GRID2: variants seen among roughly 807,000 people sequenced by gnomAD.
GRID2 encodes the protein glutamate ionotropic receptor delta type subunit 2.
In GRID2, 33 loss-of-function variants were observed where a neutral mutation model predicts 114.8. That is an observed-to-expected ratio of 0.29 (90% CI 0.22 to 0.38). The LOEUF (loss-of-function observed/expected upper bound fraction) is 0.38. Ranked by LOEUF, GRID2 falls within the 10% of genes least tolerant of loss-of-function variation. GRID2 has a pLI of 1.00. For synonymous variants in GRID2, 505 were observed against 449.9 expected, an observed-to-expected ratio of 1.12 and a Z score of -1.55; for missense variants, 1,184 against 1,257.7, an observed-to-expected ratio of 0.94 and a Z score of 0.89.
At chr4:92,758,422 T>G (rs528234586) in intron 2 of GRID2, among the ~76,000 whole-genome samples, 5 of 152,270 alleles carry the variant, frequency 3.3e-5, no homozygotes, top group African/African-American at 1.2e-4. Flanking sequence ...TTTTAAGTCT[T>G]GTTTAATATA....
At chr4:93,574,455 A>C (rs1330825855) in intron 13 of GRID2, among the ~76,000 whole-genome samples, 1 of 152,220 alleles carries the variant, frequency 6.6e-6, no homozygotes, top group East Asian at 1.9e-4. Context: ...CAAAAGAAAG[A>C]GGTTTAATTG....
At chr4:92,609,375 T>C (rs1389183529) in intron 2 of GRID2, among the ~76,000 whole-genome samples, 1 of 151,346 alleles carries the variant, frequency 6.6e-6, no homozygotes, top group East Asian at 2.0e-4. Flanking sequence ...TCTCTGGGAA[T>C]GTATATTCTA....
At chr4:93,469,924 T>C (rs1724644908) in intron 11 of GRID2, among the ~76,000 whole-genome samples, 1 of 152,126 alleles carries the variant, frequency 6.6e-6, no homozygotes, top group Admixed American at 6.5e-5. Flanking sequence ...AAATGGGTCT[T>C]TAATATTCAG....
intron 2 of GRID2, among the ~76,000 whole-genome samples, chr4:92,739,861 A>G (rs539956981): frequency 2.0e-5 from 3 of 152,240 alleles, no homozygotes; most frequent in African/African-American, 7.2e-5. Flanking sequence ...TTCAAACTTA[A>G]TAAGTATGCT....
chr4:92,539,353 A>C (rs1725813369), intron 1 of GRID2, among the ~76,000 whole-genome samples: 1 of 152,176 alleles, frequency 6.6e-6, no homozygotes, highest in Admixed American at 6.5e-5. Flanking sequence ...CCTGTGCATT[A>C]ATGGTGACAA....
intron 1 of GRID2, among the ~76,000 whole-genome samples, chr4:92,418,780 A>G (rs1457084373): frequency 6.6e-6 from 1 of 152,048 alleles, no homozygotes; most frequent in Non-Finnish European, 1.5e-5. Context: ...ACCATAAATG[A>G]CATGTTTAGT....
chr4:93,130,895 G>A (rs916370347), intron 4 of GRID2, among the ~76,000 whole-genome samples: 3 of 152,080 alleles, frequency 2.0e-5, no homozygotes, highest in Non-Finnish European at 4.4e-5. Context: ...AGAACTAAAC[G>A]ATATATTCCA....
At chr4:93,607,340 T>C (rs1197952383) in intron 13 of GRID2, among the ~76,000 whole-genome samples, 1 of 152,164 alleles carries the variant, frequency 6.6e-6, no homozygotes, top group Non-Finnish European at 1.5e-5. Context: ...TTTAATATTC[T>C]GCAAACACAT....
At chr4:93,553,415 T>C (rs17020757) in intron 13 of GRID2, among the ~76,000 whole-genome samples, 20,565 of 152,188 alleles carry the variant, frequency 0.14, 2,659 homozygotes, top group African/African-American at 0.34. Flanking sequence ...CTAATTCCTC[T>C]TGTATATCTG....
chr4:92,334,066 T>G (rs1031711093), intron 1 of GRID2, among the ~76,000 whole-genome samples: 8 of 152,190 alleles, frequency 5.3e-5, no homozygotes, highest in African/African-American at 1.7e-4. Flanking sequence ...TCTTAAATTC[T>G]GCCTTGCATA....
At chr4:93,234,025 A>G (rs142595581) in intron 7 of GRID2, among the ~76,000 whole-genome samples, 74 of 152,250 alleles carry the variant, frequency 4.9e-4, no homozygotes, top group African/African-American at 1.7e-3. Flanking sequence ...TGTTTAAAGC[A>G]CTATGTATCA....
At chr4:92,724,307 C>T (rs1238042129) in intron 2 of GRID2, among the ~76,000 whole-genome samples, 2 of 152,142 alleles carry the variant, frequency 1.3e-5, no homozygotes, top group Non-Finnish European at 2.9e-5. Flanking sequence ...TCCCATCCTT[C>T]AGCGTCCACT....
chr4:92,935,075 A>G (rs553399210), intron 2 of GRID2, among the ~76,000 whole-genome samples: 2 of 147,108 alleles, frequency 1.4e-5, no homozygotes, highest in South Asian at 2.3e-4. Flanking sequence ...GCACAGCAGA[A>G]GAAACTAGCA....
chr4:93,244,996 T>C (rs1371671601), intron 8 of GRID2, among the ~76,000 whole-genome samples: 1 of 152,052 alleles, frequency 6.6e-6, no homozygotes, highest in Non-Finnish European at 1.5e-5. Flanking sequence ...GTTCTAACAA[T>C]GAATTCATGT....
rs567507419 is a variant in GRID2, at chr4:93,384,525, A to T, written c.1246-11082A>T. Reference sequence around the variant, plus strand: ...CTAGTGGAATTTGTTGTCATTAAAAATTTTTTCCTGTTTTGTCATTTCAAA... The same window carrying T: ...CTAGTGGAATTTGTTGTCATTAAAATTTTTTTCCTGTTTTGTCATTTCAAA... On this transcript the variant is annotated intron_variant, in intron 8 of 15. Coordinates refer to ENST00000282020, the MANE Select transcript of GRID2 (RefSeq NM_001510.4). 1.6e-4 allele frequency among the ~76,000 whole-genome samples: 24 copies of T among 152,164 alleles called. No individual in the cohort carries two copies. In the East Asian group the frequency reaches 2.3e-3, roughly 15 times the overall value.
rs1021694988 is a variant in GRID2 at position 92,959,765 on chromosome 4, A to G, written c.245-125230A>G. On this transcript the variant is annotated intron_variant, in intron 2 of 15. Coordinates refer to ENST00000282020, the MANE Select transcript of GRID2 (RefSeq NM_001510.4). Reference sequence around the variant, plus strand: ...CAAACTATGCAGGAACAGAAAATCAAACACCACATGTTCTCATTCATAAGT... The same window carrying G: ...CAAACTATGCAGGAACAGAAAATCAGACACCACATGTTCTCATTCATAAGT... Among the ~76,000 whole-genome samples the G allele has an allele frequency of 3.9e-5, 6 of 152,196 alleles. No homozygotes were observed. In the East Asian group the frequency reaches 1.2e-3, roughly 29 times the overall value.
At chr4:92,939,878 A>T (rs1044754348) in intron 2 of GRID2, among the ~76,000 whole-genome samples, 1 of 146,766 alleles carries the variant, frequency 6.8e-6, no homozygotes, top group Non-Finnish European at 1.5e-5. Context: ...ATAGTTGTAG[A>T]TATGCAGCAT....
At chr4:92,382,410 A>C (rs1729663208) in intron 1 of GRID2, among the ~76,000 whole-genome samples, 1 of 152,004 alleles carries the variant, frequency 6.6e-6, no homozygotes, top group African/African-American at 2.4e-5. Flanking sequence ...AATGTATTGC[A>C]TTGTGCTGTC....
At chr4:92,745,460 T>C (rs1737105614) in intron 2 of GRID2, among the ~76,000 whole-genome samples, 1 of 152,222 alleles carries the variant, frequency 6.6e-6, no homozygotes, top group Non-Finnish European at 1.5e-5. Context: ...TCCATGTTTA[T>C]ACTGTTTAAC....
Sources: allele counts gnomAD v4.1 joint callset (sites outside exome capture counted in the v4.1 genomes callset), GRCh38; gene constraint gnomAD v4.1.1; transcripts MANE v1.5; gene names NCBI Gene and HGNC (gene_info 2026-07-23, HGNC 2026-07-21).